The following KCNJ6 variants were observed in gnomAD, a reference collection of about 807,000 sequenced individuals.
KCNJ6 encodes the protein potassium inwardly rectifying channel subfamily J member 6, also known as G protein-activated inward rectifier potassium channel 2.
In KCNJ6, 9 loss-of-function variants were observed where a neutral mutation model predicts 34.2. That is an observed-to-expected ratio of 0.26 (90% CI 0.16 to 0.46). The LOEUF is 0.46. Ranked by LOEUF, KCNJ6 falls within the 20% of genes least tolerant of loss-of-function variation. The pLI is 1.00. For synonymous variants in KCNJ6, 196 were observed against 207.1 expected (o/e 0.95, Z 0.46); for missense variants, 236 against 531.3 (o/e 0.44, Z 5.46).
At chr21:37,821,308 A>AT (rs1192113437) in intron 2 of KCNJ6, among the ~76,000 whole-genome samples, 1 of 152,150 alleles carries the variant, frequency 6.6e-6, no homozygotes, top group Non-Finnish European at 1.5e-5. Context: ...TCTAGTTCCC[A>AT]TTTTCAACAA....
intron 2 of KCNJ6, among the ~76,000 whole-genome samples, chr21:37,717,739 C>T (rs1466570408): frequency 1.3e-5 from 2 of 152,228 alleles, no homozygotes; most frequent in African/African-American, 4.8e-5. Flanking sequence ...TGGGAGGCTG[C>T]CCAGCTGTGC....
intron 1 of KCNJ6, among the ~76,000 whole-genome samples, chr21:37,876,725 G>C (rs1191428118): frequency 7.2e-6 from 1 of 139,000 alleles, no homozygotes; most frequent in Non-Finnish European, 1.5e-5. Context: ...AACATACGTG[G>C]GTGGATCCAT....
chr21:37,669,613 A>AT (rs1207314495), intron 3 of KCNJ6, among the ~76,000 whole-genome samples: 1 of 149,680 alleles, frequency 6.7e-6, no homozygotes. Flanking sequence ...GAATGTGCAT[A>AT]TGCATCTCTG....
At chr21:37,910,231 G>T (rs561848014) in intron 1 of KCNJ6, among the ~76,000 whole-genome samples, 11 of 152,230 alleles carry the variant, frequency 7.2e-5, no homozygotes, top group African/African-American at 2.6e-4. Flanking sequence ...TGGCAAAAAT[G>T]GACAGATACA....
chr21:37,833,746 T>A (rs1185560004), intron 2 of KCNJ6, among the ~76,000 whole-genome samples: 1 of 152,316 alleles, frequency 6.6e-6, no homozygotes, highest in Admixed American at 6.5e-5. Context: ...GCCACTGATA[T>A]ACACACACCT....
chr21:37,741,790 A>G (rs7280538), intron 2 of KCNJ6, among the ~76,000 whole-genome samples: 74,868 of 151,710 alleles, frequency 0.49, 18,747 homozygotes, highest in South Asian at 0.62. Flanking sequence ...CTTTCACCCC[A>G]CTGCCAACAG....
intron 1 of KCNJ6, among the ~76,000 whole-genome samples, chr21:37,849,107 G>C (rs897357916): frequency 1.3e-5 from 2 of 152,186 alleles, no homozygotes; most frequent in African/African-American, 4.8e-5. Flanking sequence ...AGGATGTCCA[G>C]GTAACTGGAG....
chr21:37,861,223 C>T (rs2123602401), intron 1 of KCNJ6, among the ~76,000 whole-genome samples: 1 of 152,286 alleles, frequency 6.6e-6, no homozygotes, highest in Non-Finnish European at 1.5e-5. Context: ...AACTGGAGGG[C>T]TTAAACAACA....
intron 2 of KCNJ6, among the ~76,000 whole-genome samples, chr21:37,746,834 C>G (rs2835923): frequency 0.075 from 11,368 of 152,236 alleles, 458 homozygotes; most frequent in African/African-American, 0.096. Context: ...GTAAATTGTC[C>G]TTTATCCACT....
chr21:37,775,919 T>C (rs539217254), intron 2 of KCNJ6, among the ~76,000 whole-genome samples: 60 of 152,232 alleles, frequency 3.9e-4, no homozygotes, highest in Admixed American at 3.9e-3. Context: ...GGGATGGCAT[T>C]GAATCTATAA....
intron 2 of KCNJ6, among the ~76,000 whole-genome samples, chr21:37,736,189 G>A (rs947379107): frequency 3.8e-5 from 4 of 104,816 alleles, no homozygotes; most frequent in African/African-American, 1.0e-4. Flanking sequence ...ACCGAGCCCT[G>A]TGCTAGGCCC....
intron 2 of KCNJ6, among the ~76,000 whole-genome samples, chr21:37,751,298 G>A (rs2054994052): frequency 6.6e-6 from 1 of 152,208 alleles, no homozygotes; most frequent in Admixed American, 6.5e-5. Flanking sequence ...GCTGTAGCAT[G>A]CACTGCCCTG....
intron 3 of KCNJ6, among the ~76,000 whole-genome samples, chr21:37,661,614 GTTTTTTTTTTTTTTT>G (rs59026391): frequency 2.8e-5 from 2 of 71,172 alleles, no homozygotes; most frequent in African/African-American, 1.1e-4. Context: ...AAGAGACATA[GTTTTTTTTTTTTTTT>G]TTTTTTTTTT....
At chr21:37,853,881 T>C (rs2055551260) in intron 1 of KCNJ6, among the ~76,000 whole-genome samples, 1 of 137,292 alleles carries the variant, frequency 7.3e-6, no homozygotes, top group Non-Finnish European at 1.5e-5. Context: ...TGTGTATATA[T>C]ACATAAACAC....
intron 2 of KCNJ6, among the ~76,000 whole-genome samples, chr21:37,806,590 T>C (rs1408758886): frequency 6.6e-6 from 1 of 152,198 alleles, no homozygotes; most frequent in Admixed American, 6.5e-5. Flanking sequence ...CAGGAGGACG[T>C]TTCAAGTTTA....
rs2054245933 is a variant in KCNJ6 at position 37,612,458 on chromosome 21, A to G, written c.*12701T>C. ...TCTGTAGATTAAATACAATCCCAAT[A>G]AAAATCTCAGCAAGTTATTTTGTTG... On this transcript the variant is annotated 3_prime_UTR_variant, in exon 4 of 4. Transcript: ENST00000609713. 6.6e-6 allele frequency: 1 copy of G among 152,330 alleles called. No individual in the cohort carries two copies. The highest frequency in any genetic ancestry group is 2.1e-4 in the South Asian group (1 of 4,828). The allele number at this position is 152,330 out of a possible 1,614,324, so 9.4% of individuals were successfully genotyped here. A position where few individuals can be genotyped will look rare whatever the true frequency, so the allele number is the denominator to read the frequency against.
At position 37,624,363 on chromosome 21, in the gene KCNJ6, C is replaced by A. The variant is rs976826592; in HGVS notation, c.*796G>T. On this transcript the variant is annotated 3_prime_UTR_variant, in exon 4 of 4. Transcript: ENST00000609713. ...CCCTAACGTCTGCCAGTCTGAGACA[C>A]AAACAAAGGCCATGCACTGAAGGGC... The A allele has an allele frequency of 6.6e-6, 1 of 151,974 alleles. No individual in the cohort carries two copies. The highest frequency in any genetic ancestry group is 1.5e-5 in the Non-Finnish European group (1 of 67,988). 9.4% of individuals were successfully genotyped at this position (151,974 alleles called of 1,614,324 possible).
At chr21:37,839,110 C>T (rs797018305) in intron 2 of KCNJ6, among the ~76,000 whole-genome samples, 19 of 152,324 alleles carry the variant, frequency 1.2e-4, no homozygotes, top group African/African-American at 3.8e-4. Context: ...TTTTCTTTAT[C>T]AATTACCCAG....
chr21:37,673,717 A>T (rs905892565), intron 3 of KCNJ6, among the ~76,000 whole-genome samples: 3 of 152,142 alleles, frequency 2.0e-5, no homozygotes, highest in Non-Finnish European at 4.4e-5. Flanking sequence ...TTAGAGGGGG[A>T]CAGGGAAGGG....
Sources: gnomAD v4.1 joint callset for allele counts (sites outside exome capture counted in the v4.1 genomes callset) on GRCh38, gnomAD v4.1.1 for gene constraint, MANE v1.5 for transcripts, NCBI Gene and HGNC (gene_info 2026-07-23, HGNC 2026-07-21) for gene names.